PARD3: variants seen among roughly 807,000 people sequenced by gnomAD.
PARD3 encodes the protein partitioning defective 3 homolog.
In PARD3, 75 loss-of-function variants were observed where a neutral mutation model predicts 155.4. The ratio of observed to expected loss-of-function variants is 0.48; its 90% CI spans 0.40 to 0.58. The LOEUF is 0.58. Among genes scored for constraint, PARD3 ranks in the 20% least tolerant of loss-of-function variants. The pLI, the probability that PARD3 is intolerant of heterozygous loss-of-function variation, is 0.00. For missense variants in PARD3, 1,642 were observed against 1,721.7 expected (o/e 0.95, Z 0.82); for synonymous variants, 576 against 610.5 (o/e 0.94, Z 0.83).
chr10:34,303,866 A>C lies in PARD3; in HGVS notation c.3065+13241T>G, dbSNP rs74598320. Among the ~76,000 whole-genome samples the C allele has an allele frequency of 6.3e-3, 955 of 152,216 alleles. 10 individuals carry two copies. The highest frequency in any genetic ancestry group is 0.022 in the African/African-American group (893 of 41,534). On this transcript the variant is annotated intron_variant, in intron 20 of 24. Coordinates refer to ENST00000374788, the MANE Select transcript of PARD3 (RefSeq NM_001184785.2). Reference sequence around the variant, plus strand: ...AGAGGAATGAGCAGAGGATGCAAAAACTGCTAACACAGTCTGCGGAAAAGA... The same window carrying C: ...AGAGGAATGAGCAGAGGATGCAAAACCTGCTAACACAGTCTGCGGAAAAGA...
intron 22 of PARD3, among the ~76,000 whole-genome samples, chr10:34,184,053 A>G (rs1950380810): frequency 6.6e-6 from 1 of 152,154 alleles, no homozygotes; most frequent in African/African-American, 2.4e-5. Context: ...CCTAGGCTCA[A>G]GCAACCCATC....
At chr10:34,649,790 T>C (rs2092952000) in intron 2 of PARD3, among the ~76,000 whole-genome samples, 2 of 152,234 alleles carry the variant, frequency 1.3e-5, no homozygotes, top group African/African-American at 2.4e-5. Context: ...ACTTTTTGAC[T>C]CATAATAACA....
chr10:34,713,254 A>T (rs914977244), intron 1 of PARD3, among the ~76,000 whole-genome samples: 18 of 152,086 alleles, frequency 1.2e-4, no homozygotes, highest in African/African-American at 4.3e-4. Context: ...AATTATTTTT[A>T]AAAATAAAAT....
intron 23 of PARD3, among the ~76,000 whole-genome samples, chr10:34,125,936 C>T (rs915363621): frequency 3.9e-5 from 6 of 152,220 alleles, no homozygotes; most frequent in African/African-American, 9.6e-5. Flanking sequence ...AAAGTTTTTA[C>T]GGCATACTGT....
chr10:34,814,917 T>A lies in PARD3; in HGVS notation c.79A>T (p.Ile27Phe). The A allele has an allele frequency of 6.4e-7, 1 of 1,560,946 alleles. No homozygotes were observed. The highest frequency in any genetic ancestry group is 1.9e-4 in the Middle Eastern group (1 of 5,326). Residue 27 changes from isoleucine to phenylalanine, a missense_variant, in exon 1 of 25, where the codon ATC (isoleucine) becomes TTC (phenylalanine). By Grantham distance (21) the Ile-to-Phe change is conservative (BLOSUM62 0). Coordinates refer to ENST00000374788, the MANE Select transcript of PARD3 (RefSeq NM_001184785.2). ...CGGTAGCGGGTCACCGCCTGCTGGATGAGGCTGAAAACTTTCATGTGGCCG... is the reference window on the plus strand; with the variant it reads ...CGGTAGCGGGTCACCGCCTGCTGGAAGAGGCTGAAAACTTTCATGTGGCCG... ...GDGHMKVFSL[I>F]QQAVTRYRKA... is the part of the protein sequence containing the mutation.
At chr10:34,225,259 C>T (rs1397905064) in intron 22 of PARD3, among the ~76,000 whole-genome samples, 3 of 151,864 alleles carry the variant, frequency 2.0e-5, no homozygotes, top group African/African-American at 4.8e-5. Flanking sequence ...AGAGAGGACA[C>T]GGAAAGTACC....
intron 15 of PARD3, chr10:34,343,785 C>T: frequency 2.0e-6 from 2 of 984,232 alleles, no homozygotes; most frequent in Non-Finnish European, 2.4e-6. Context: ...GGTAAACTTT[C>T]CTCTATCTTC....
At chr10:34,651,583 C>A (rs2093015366) in intron 2 of PARD3, among the ~76,000 whole-genome samples, 1 of 152,180 alleles carries the variant, frequency 6.6e-6, no homozygotes, top group Non-Finnish European at 1.5e-5. Flanking sequence ...GCAGTGAAGA[C>A]AAAAACCATA....
At chr10:34,259,390 C>T (rs1249679046) in intron 22 of PARD3, among the ~76,000 whole-genome samples, 1 of 152,128 alleles carries the variant, frequency 6.6e-6, no homozygotes, top group Non-Finnish European at 1.5e-5. Flanking sequence ...TCTGCTTCCT[C>T]GCTTTTTTTC....
chr10:34,329,876 G>A (rs1835430714), intron 19 of PARD3, among the ~76,000 whole-genome samples: 1 of 152,000 alleles, frequency 6.6e-6, no homozygotes, highest in Admixed American at 6.6e-5. Flanking sequence ...ATATGTATAA[G>A]CATTATACGT....
chr10:34,447,852 G>T lies in PARD3; in HGVS notation c.714+2465C>A, dbSNP rs2076835200. ...TCAAAATGAAAGTGATAACAAGGATGCGAAGAGAAGGAAACCCTGGTATAC... is the reference window on the plus strand; with the variant it reads ...TCAAAATGAAAGTGATAACAAGGATTCGAAGAGAAGGAAACCCTGGTATAC... On this transcript the variant is annotated intron_variant, in intron 5 of 24. Coordinates refer to ENST00000374788, the MANE Select transcript of PARD3 (RefSeq NM_001184785.2). Among the ~76,000 whole-genome samples the T allele has an allele frequency of 4.0e-5, 6 of 151,636 alleles. No homozygotes were observed. In the South Asian group the frequency reaches 1.2e-3, roughly 31 times the overall value.
At chr10:34,397,561 G>A (rs959776099) in intron 7 of PARD3, among the ~76,000 whole-genome samples, 4 of 152,150 alleles carry the variant, frequency 2.6e-5, no homozygotes, top group African/African-American at 9.7e-5. Flanking sequence ...AAAACTAAAT[G>A]CCATGGTAAC....
intron 1 of PARD3, among the ~76,000 whole-genome samples, chr10:34,769,157 C>T (rs1668087031): frequency 6.6e-6 from 1 of 152,230 alleles, no homozygotes; most frequent in African/African-American, 2.4e-5. Flanking sequence ...TGCTTTGCAG[C>T]TGTCTGCACA....
At chr10:34,680,935 GTAAC>G (rs1192356339) in intron 2 of PARD3, among the ~76,000 whole-genome samples, 1 of 150,462 alleles carries the variant, frequency 6.6e-6, no homozygotes, top group Non-Finnish European at 1.5e-5. Context: ...GTATACATAT[GTAAC>G]TAACCTGCAC....
At chr10:34,654,995 T>A (rs1311144416) in intron 2 of PARD3, among the ~76,000 whole-genome samples, 1 of 151,966 alleles carries the variant, frequency 6.6e-6, no homozygotes, top group Non-Finnish European at 1.5e-5. Context: ...CCAGGACAAA[T>A]CCTTTTTCTG....
chr10:34,475,273 T>C (rs1196907019), intron 3 of PARD3, among the ~76,000 whole-genome samples: 2 of 152,188 alleles, frequency 1.3e-5, no homozygotes, highest in African/African-American at 4.8e-5. Flanking sequence ...CAAAGCACAT[T>C]TAGTGGAAAG....
At position 34,600,962 on chromosome 10, in the gene PARD3, ATTTTTTTTTTT is replaced by A. The variant is rs1028271994; in HGVS notation, c.223-83814_223-83804del. Among the ~76,000 whole-genome samples the A allele has an allele frequency of 3.2e-3, 285 of 90,108 alleles. 2 individuals carry two copies. Among genetic ancestry groups the A allele is most frequent in the African/African-American group, 0.012 (264 of 22,370 alleles). 59.1% of individuals were successfully genotyped at this position (90,108 alleles called of 152,430 possible). On this transcript the variant is annotated intron_variant, in intron 2 of 24. Coordinates refer to ENST00000374788, the MANE Select transcript of PARD3 (RefSeq NM_001184785.2). The stretch of plus-strand genomic sequence containing the variant: ...GCCACCATGCCCGCCCATTTTTTTA[ATTTTTTTTTTT>A]TTTTTTTTTTTTTTTTTGTAGAAAT...
intron 11 of PARD3, among the ~76,000 whole-genome samples, chr10:34,373,398 G>C (rs1186972091): frequency 6.6e-6 from 1 of 151,962 alleles, no homozygotes; most frequent in South Asian, 2.1e-4. Context: ...GCTATATGCT[G>C]GCACTAACTC....
chr10:34,707,017 G>A (rs943460017), intron 1 of PARD3, among the ~76,000 whole-genome samples: 1 of 151,730 alleles, frequency 6.6e-6, no homozygotes, highest in African/African-American at 2.4e-5. Flanking sequence ...AGGCTGAGGT[G>A]GTCAGATCAC....
Sources: allele counts gnomAD v4.1 joint callset (sites outside exome capture counted in the v4.1 genomes callset), GRCh38; gene constraint gnomAD v4.1.1; transcripts MANE v1.5; gene names NCBI Gene and HGNC (gene_info 2026-07-23, HGNC 2026-07-21).